SPX: variants seen among roughly 807,000 people sequenced by gnomAD.
SPX encodes spexin.
In SPX, 22 loss-of-function variants were observed where a neutral mutation model predicts 19.2. The observed-to-expected ratio is 1.15, with a 90% CI of 0.82 to 1.64. SPX has a LOEUF of 1.64. Among genes scored for constraint, SPX ranks in the 40% most tolerant of loss-of-function variants. SPX has a pLI of 0.00. For missense variants in SPX, 143 were observed against 137.7 expected (o/e 1.04, Z -0.19); for synonymous variants, 50 against 53.3 (o/e 0.94, Z 0.27).
At position 21,527,132 on chromosome 12, in the gene SPX, T is replaced by C. The variant is rs1396259281; in HGVS notation, c.88-3T>C. On this transcript the variant is annotated splice_polypyrimidine_tract_variant and splice_region_variant and intron_variant, in intron 2 of 5. Coordinates refer to ENST00000256969, the MANE Select transcript of SPX (RefSeq NM_030572.4). Reference sequence around the variant, plus strand: ...ACTGCTCTTCCCTTCCCCCGGGCTATAGAGACTGTTGGAGAGAAGGAACTG... The same window carrying C: ...ACTGCTCTTCCCTTCCCCCGGGCTACAGAGACTGTTGGAGAGAAGGAACTG... The C allele has an allele frequency of 1.9e-6, 3 of 1,613,908 alleles. No homozygotes were observed. In the South Asian group the frequency reaches 3.3e-5, roughly 18 times the overall value.
Position 21,529,103 on chromosome 12 carries a change from C to T in SPX, c.292+19C>T, listed in dbSNP as rs963503987. The T allele has an allele frequency of 6.3e-7, 1 of 1,598,614 alleles. No homozygotes were observed. The highest frequency in any genetic ancestry group is 8.6e-7 in the Non-Finnish European group (1 of 1,165,878). On this transcript the variant is annotated intron_variant, in intron 5 of 5. Coordinates refer to ENST00000256969, the MANE Select transcript of SPX (RefSeq NM_030572.4). ...CCAGAAGGTACTAGCATAGTGGCCT[C>T]TTTCACCTGCATAACAGAACAGCTT...
At chr12:21,529,926 T>G (rs1371614571) in intron 5 of SPX, among the ~76,000 whole-genome samples, 1 of 152,170 alleles carries the variant, frequency 6.6e-6, no homozygotes, top group African/African-American at 2.4e-5. Context: ...TAGTGACGTT[T>G]TAGATTTGAT....
rs1255757912 is a variant in SPX at position 21,527,172 on chromosome 12, T to C, written c.125T>C (p.Met42Thr). The C allele has an allele frequency of 1.2e-6, 2 of 1,614,002 alleles. No individual in the cohort carries two copies. Among genetic ancestry groups the C allele is most frequent in the Non-Finnish European group, 8.5e-7 (1 of 1,179,980 alleles). The stretch of plus-strand genomic sequence containing the variant: ...AGAAGGAACTGGACTCCTCAAGCTA[T>C]GCTCTACCTGAAAGGGGCACGTAAG... Reference protein sequence around the residue: ...LERRNWTPQAMLYLKGAQGRR... With the variant: ...LERRNWTPQATLYLKGAQGRR... The change falls in exon 3 of 6, where the codon ATG (methionine) becomes ACG (threonine). Residue 42 changes from methionine to threonine, a missense_variant. Met to Thr is a moderately conservative substitution (Grantham distance 81). Transcript: ENST00000256969.
intron 5 of SPX, among the ~76,000 whole-genome samples, chr12:21,530,714 T>C (rs571330862): frequency 8.5e-5 from 13 of 152,234 alleles, no homozygotes; most frequent in African/African-American, 2.6e-4. Flanking sequence ...TAAAAGAACA[T>C]TTGCAAATGT....
At chr12:21,527,982 G>A (rs2136820974) in intron 4 of SPX, 193 bp downstream of exon 4, 1 of 582,074 alleles carries the variant, frequency 1.7e-6, no homozygotes, top group Non-Finnish European at 2.9e-6. Context: ...GCCGAGCGCC[G>A]GAGCTGGGAG....
intron 4 of SPX, 67 bp downstream of exon 4, chr12:21,527,856 T>C: frequency 7.4e-6 from 11 of 1,491,164 alleles, no homozygotes; most frequent in Non-Finnish European, 1.0e-5. Context: ...GGGCAGGGCT[T>C]GCTCCGCGCT....
At chr12:21,526,994 A>G (rs1333221151) in intron 2 of SPX, 28 bp downstream of exon 2, 8 of 1,605,192 alleles carry the variant, frequency 5.0e-6, no homozygotes, top group Non-Finnish European at 6.8e-6. Flanking sequence ...AAAAAATTTT[A>G]AAACAATGCG....
chr12:21,530,862 T>C (rs1943858614), intron 5 of SPX, among the ~76,000 whole-genome samples: 1 of 152,204 alleles, frequency 6.6e-6, no homozygotes, highest in African/African-American at 2.4e-5. Context: ...ACATGACTTT[T>C]GAGATTTTTA....
intron 4 of SPX, among the ~76,000 whole-genome samples, chr12:21,528,635 A>T (rs1355180985): frequency 1.3e-5 from 2 of 152,228 alleles, no homozygotes; most frequent in African/African-American, 2.4e-5. Flanking sequence ...GTGCTGAATC[A>T]GAACAATTTG....
At chr12:21,526,599 C>A in intron 1 of SPX, 121 bp downstream of exon 1, 2 of 959,646 alleles carry the variant, frequency 2.1e-6, no homozygotes, top group Admixed American at 2.7e-5. Flanking sequence ...AACGATACGC[C>A]TTTAGAATAA....
At chr12:21,527,263 G>A (rs1223998469) in intron 3 of SPX, 71 bp downstream of exon 3, 4 of 1,407,368 alleles carry the variant, frequency 2.8e-6, no homozygotes, top group Admixed American at 3.4e-5. Flanking sequence ...GATAGATGGA[G>A]AGTTATGGAG....
intron 1 of SPX, 48 bp from the exon 2 acceptor site, chr12:21,526,838 A>G (rs745652869): frequency 5.8e-6 from 9 of 1,538,792 alleles, no homozygotes; most frequent in Non-Finnish European, 9.0e-7. Context: ...GAAGCAGAAG[A>G]TCCTATTGGC....
intron 4 of SPX, chr12:21,528,142 G>C: frequency 4.2e-6 from 1 of 235,608 alleles, no homozygotes; most frequent in Non-Finnish European, 8.3e-6. Flanking sequence ...CTGAGGTGCA[G>C]CTCAGAGGGG....
Position 21,532,515 on chromosome 12 carries a change from T to C in SPX, c.*1320T>C, listed in dbSNP as rs1943875536. The C allele has an allele frequency of 6.6e-6, 1 of 152,230 alleles. No homozygotes were observed. The highest frequency in any genetic ancestry group is 1.5e-5 in the Non-Finnish European group (1 of 68,030). 9.4% of individuals were successfully genotyped at this position (152,230 alleles called of 1,614,324 possible). A position where few individuals can be genotyped will look rare whatever the true frequency, so the allele number is the denominator to read the frequency against. On this transcript the variant is annotated 3_prime_UTR_variant, in exon 6 of 6. Transcript: ENST00000256969. ...TAACTTGTGAGCATTAAAATATCTG[T>C]ATGGCATTATAATAGGCACCTGTCA...
intron 3 of SPX, 120 bp from the exon 4 acceptor site, chr12:21,527,607 C>G: frequency 9.8e-7 from 1 of 1,019,824 alleles, no homozygotes; most frequent in Non-Finnish European, 1.5e-6. Context: ...GCGACCCTAT[C>G]CTGGAGCAAC....
intron 5 of SPX, among the ~76,000 whole-genome samples, chr12:21,530,853 C>T (rs934733904): frequency 6.6e-6 from 1 of 152,148 alleles, no homozygotes; most frequent in African/African-American, 2.4e-5. Flanking sequence ...GAGCAAGACA[C>T]ATGACTTTTG....
At chr12:21,530,683 C>A (rs1159731806) in intron 5 of SPX, among the ~76,000 whole-genome samples, 1 of 152,152 alleles carries the variant, frequency 6.6e-6, no homozygotes, top group East Asian at 1.9e-4. Context: ...CATTTCCTCC[C>A]CAGAACTCTA....
intron 5 of SPX, 48 bp downstream of exon 5, chr12:21,529,132 TTAC>T: frequency 6.4e-7 from 1 of 1,563,586 alleles, no homozygotes; most frequent in South Asian, 1.1e-5. Context: ...ACAGCTTTGC[TTAC>T]TTTCGGGATT....
At chr12:21,529,742 C>T (rs527674404) in intron 5 of SPX, among the ~76,000 whole-genome samples, 33 of 152,308 alleles carry the variant, frequency 2.2e-4, no homozygotes, top group African/African-American at 7.9e-4. Flanking sequence ...GAAAGCAGGT[C>T]TCAGGCTCTG....
Sources: allele counts gnomAD v4.1 joint callset (sites outside exome capture counted in the v4.1 genomes callset), GRCh38; gene constraint gnomAD v4.1.1; transcripts MANE v1.5; gene names NCBI Gene and HGNC (gene_info 2026-07-23, HGNC 2026-07-21).